ZBTB46: variants seen among roughly 807,000 people sequenced by gnomAD.
The protein encoded by ZBTB46 is zinc finger and BTB domain containing 46.
A neutral mutation model predicts 44.1 loss-of-function variants in ZBTB46; 8 were observed. The observed-to-expected ratio is 0.18, with a 90% confidence interval of 0.11 to 0.33. The LOEUF (loss-of-function observed/expected upper bound fraction) is 0.33, where lower values mean the gene tolerates loss of function less well. ZBTB46 is among the 10% of genes least tolerant of loss of function. The pLI is 1.00. For synonymous variants in ZBTB46, 409 were observed against 382.3 expected, an observed-to-expected ratio of 1.07 and a Z score of -0.81; for missense variants, 651 against 847.7, an observed-to-expected ratio of 0.77 and a Z score of 2.88.
chr20:63,763,473 A>G (rs980413130), intron 3 of ZBTB46, among the ~76,000 whole-genome samples: 6 of 152,174 alleles, frequency 3.9e-5, no homozygotes, highest in African/African-American at 7.2e-5. Context: ...CAATCATGGC[A>G]GAAGTCGAAG....
At chr20:63,749,080 C>T (rs918977746) in intron 4 of ZBTB46, among the ~76,000 whole-genome samples, 3 of 152,248 alleles carry the variant, frequency 2.0e-5, no homozygotes, top group African/African-American at 7.2e-5. Context: ...GTGCCTGTAA[C>T]TTCTTCCACA....
At chr20:63,817,111 AAAAAAG>A (rs748838209) in intron 1 of ZBTB46, among the ~76,000 whole-genome samples, 2 of 146,894 alleles carry the variant, frequency 1.4e-5, no homozygotes, top group Admixed American at 6.8e-5. Context: ...GTCTCAAAAA[AAAAAAG>A]AAAAGAAAAG....
intron 1 of ZBTB46, among the ~76,000 whole-genome samples, chr20:63,810,660 C>T (rs973750526): frequency 3.9e-5 from 6 of 152,248 alleles, no homozygotes; most frequent in Admixed American, 2.6e-4. Context: ...GCAGGAGAAT[C>T]GTTTGAACAT....
intron 3 of ZBTB46, among the ~76,000 whole-genome samples, chr20:63,771,357 C>T (rs1568848700): frequency 6.6e-6 from 1 of 152,144 alleles, no homozygotes; most frequent in Non-Finnish European, 1.5e-5. Context: ...AATGGGAGGA[C>T]ACGGCTCTGC....
intron 1 of ZBTB46, chr20:63,815,262 T>C: frequency 3.6e-6 from 1 of 279,744 alleles, no homozygotes; most frequent in South Asian, 3.0e-5. Flanking sequence ...TGGGTGCAGG[T>C]GGGCACCGGT....
intron 3 of ZBTB46, chr20:63,768,219 A>T: frequency 1.2e-4 from 79 of 675,090 alleles, no homozygotes; most frequent in East Asian, 1.3e-4. Context: ...CCTGTGAGAA[A>T]TGAGAAACGA....
chr20:63,778,923 G>A (rs1193378195), intron 2 of ZBTB46, among the ~76,000 whole-genome samples: 2 of 152,188 alleles, frequency 1.3e-5, no homozygotes, highest in African/African-American at 4.8e-5. Flanking sequence ...CTGGAGACTG[G>A]GAAGTCCAAG....
chr20:63,790,830 G>C (rs2092555387), intron 1 of ZBTB46, 40 bp from the exon 2 acceptor site: 2 of 1,479,932 alleles, frequency 1.4e-6, no homozygotes, highest in Non-Finnish European at 1.8e-6. Context: ...GCTCAGCACA[G>C]ACAGAGGCCG....
rs1354118768 is a variant in ZBTB46 at position 63,798,831 on chromosome 20, G to A, written c.-33-8041C>T. On this transcript the variant is annotated intron_variant, in intron 1 of 4. Transcript: ENST00000245663. ...TGCACTCCAGCCTGGGTGACAGAGC[G>A]AGACTCTGTCTAAAAAAAAAAAAAA... 1.2e-4 allele frequency among the ~76,000 whole-genome samples: 18 copies of A among 147,416 alleles called. No homozygotes were observed. The East Asian group carries it at 3.0e-3, about 25-fold the overall frequency.
At chr20:63,798,349 G>A (rs1231059305) in intron 1 of ZBTB46, among the ~76,000 whole-genome samples, 1 of 151,872 alleles carries the variant, frequency 6.6e-6, no homozygotes, top group South Asian at 2.1e-4. Flanking sequence ...CTGTTCTATT[G>A]GAAACCCGGT....
rs750743473 is a variant in ZBTB46, at chr20:63,790,617, G to A, written c.141C>T (p.Asn47=). The A allele has an allele frequency of 1.1e-5, 17 of 1,611,652 alleles. No individual in the cohort carries two copies. Among genetic ancestry groups the A allele is most frequent in the Middle Eastern group, 1.6e-4 (1 of 6,062 alleles). ...AGTAGCGGCTGCTGCCCAGCAGGAC[G>A]TTCTTGTGCGCCTTGAAGACCTTGC... The part of the protein sequence containing the change: ...VEGKVFKAHK[N]VLLGSSRYFK... The change falls in exon 2 of 5, where the codon AAC becomes AAT. Residue 47 remains asparagine (N), a synonymous_variant. Transcript: ENST00000245663.
intron 1 of ZBTB46, among the ~76,000 whole-genome samples, chr20:63,812,695 C>G (rs931630175): frequency 1.3e-5 from 2 of 152,236 alleles, no homozygotes; most frequent in South Asian, 4.1e-4. Context: ...GGGAGAATCA[C>G]TTGAACCCGG....
intron 1 of ZBTB46, among the ~76,000 whole-genome samples, chr20:63,801,167 G>C (rs2092641623): frequency 6.6e-6 from 1 of 152,004 alleles, no homozygotes; most frequent in South Asian, 2.1e-4. Context: ...TGATCCGGTG[G>C]GGACTTAGAG....
Position 63,746,801 on chromosome 20 carries a change from G to A in ZBTB46, c.*129C>T. On this transcript the variant is annotated 3_prime_UTR_variant, in exon 5 of 5. Transcript: ENST00000245663. Reference sequence around the variant, plus strand: ...GCAGGGCTGGTTTCCGTGGGGGGTGGGTTCAGGGGGAAGCAGAGGAGGGGC... The same window carrying A: ...GCAGGGCTGGTTTCCGTGGGGGGTGAGTTCAGGGGGAAGCAGAGGAGGGGC... The A allele has an allele frequency of 7.4e-7, 1 of 1,348,126 alleles. No homozygotes were observed. The highest frequency in any genetic ancestry group is 1.7e-5 in the South Asian group (1 of 59,490). The allele number at this position is 1,348,126 out of a possible 1,614,324, so 83.5% of individuals were successfully genotyped here.
chr20:63,749,816 T>C (rs1386291428), intron 4 of ZBTB46, among the ~76,000 whole-genome samples: 1 of 152,156 alleles, frequency 6.6e-6, no homozygotes, highest in Non-Finnish European at 1.5e-5. Context: ...CCAGGGCACC[T>C]GAGGAGGCAG....
chr20:63,755,603 A>T lies in ZBTB46; in HGVS notation c.1223-2742T>A, dbSNP rs115500369. On this transcript the variant is annotated intron_variant, in intron 3 of 4. Coordinates refer to ENST00000245663, the MANE Select transcript of ZBTB46 (RefSeq NM_001369741.1). ...AGAGTCACATCCACAAGCTCTGAGG[A>T]TCAGGACGGAGTGTTCACTGCTCAA... Among the ~76,000 whole-genome samples, 1,150 of 152,296 alleles carry T rather than the reference A, an allele frequency of 7.6e-3. 11 individuals are homozygous for T. Among genetic ancestry groups the T allele is most frequent in the African/African-American group, 0.027 (1,108 of 41,564 alleles).
At chr20:63,816,390 T>C (rs1372622990) in intron 1 of ZBTB46, 1 of 160,030 alleles carries the variant, frequency 6.2e-6, no homozygotes, top group Non-Finnish European at 1.3e-5. Context: ...ATCTCCCCCA[T>C]CTGCATAACC....
chr20:63,829,072 C>T (rs1364639217), intron 1 of ZBTB46, among the ~76,000 whole-genome samples: 4 of 152,220 alleles, frequency 2.6e-5, no homozygotes, highest in Non-Finnish European at 4.4e-5. Flanking sequence ...GTACCCCCCA[C>T]GGCATTTCCT....
At chr20:63,820,427 T>G (rs1021543158) in intron 1 of ZBTB46, among the ~76,000 whole-genome samples, 2 of 148,458 alleles carry the variant, frequency 1.3e-5, no homozygotes, top group East Asian at 4.7e-4. Context: ...TTTTAAGAAG[T>G]ATATTATATA....
Sources: allele counts gnomAD v4.1 joint callset (sites outside exome capture counted in the v4.1 genomes callset), GRCh38; gene constraint gnomAD v4.1.1; transcripts MANE v1.5; gene names NCBI Gene and HGNC (gene_info 2026-07-23, HGNC 2026-07-21).